The following MYT1L variants were observed in gnomAD, a reference collection of about 807,000 sequenced individuals.
MYT1L encodes the protein myelin transcription factor 1-like protein.
A neutral mutation model predicts 126.7 loss-of-function variants in MYT1L; 12 were observed. The observed-to-expected ratio is 0.09, with a 90% CI of 0.06 to 0.15. The LOEUF (loss-of-function observed/expected upper bound fraction) is 0.15, where lower values mean the gene tolerates loss of function less well. MYT1L is among the 10% of genes least tolerant of loss of function. MYT1L has a pLI of 1.00. For synonymous variants in MYT1L, 541 were observed against 604.2 expected, an observed-to-expected ratio of 0.90 and a Z score of 1.53; for missense variants, 979 against 1,585.2, an observed-to-expected ratio of 0.62 and a Z score of 6.49.
intron 21 of MYT1L, among the ~76,000 whole-genome samples, chr2:1,814,006 G>C (rs11674754): frequency 0.63 from 82,784 of 132,344 alleles, 26,304 homozygotes; most frequent in South Asian, 0.79. Flanking sequence ...CAGCCTGGGC[G>C]ACAGAGCGAG....
chr2:2,323,142 A>C (rs1193495378), intron 1 of MYT1L, among the ~76,000 whole-genome samples: 1 of 152,164 alleles, frequency 6.6e-6, no homozygotes, highest in Non-Finnish European at 1.5e-5. Flanking sequence ...ATGAAGGGTT[A>C]ATATGTTTTT....
chr2:1,974,172 T>C (rs1574129614), intron 8 of MYT1L, among the ~76,000 whole-genome samples: 1 of 152,134 alleles, frequency 6.6e-6, no homozygotes, highest in African/African-American at 2.4e-5. Flanking sequence ...AAACTAAATC[T>C]TGGGATACTC....
In MYT1L at chr2:1,902,368, C is replaced by T. The variant is rs558631392; in HGVS notation, c.2032+712G>A. 3.9e-5 allele frequency among the ~76,000 whole-genome samples: 6 copies of T among 152,342 alleles called. No individual in the cohort carries two copies. The South Asian group carries it at 1.2e-3, about 32-fold the overall frequency. On this transcript the variant is annotated intron_variant, in intron 14 of 24. Coordinates refer to ENST00000647738, the MANE Select transcript of MYT1L (RefSeq NM_001303052.2). Reference sequence around the variant, plus strand: ...TGCCACAAGCCAGCAGGGGACGAAGCTACGGCTCTGCCGGCAGCACCCCAG... The same window carrying T: ...TGCCACAAGCCAGCAGGGGACGAAGTTACGGCTCTGCCGGCAGCACCCCAG...
intron 2 of MYT1L, among the ~76,000 whole-genome samples, chr2:2,262,563 G>A (rs1305194082): frequency 6.6e-6 from 1 of 151,302 alleles, no homozygotes; most frequent in Non-Finnish European, 1.5e-5. Context: ...CATGGTGGCG[G>A]GCACCTGTGG....
intron 3 of MYT1L, among the ~76,000 whole-genome samples, chr2:2,105,524 T>C (rs2150521879): frequency 6.6e-6 from 1 of 152,364 alleles, no homozygotes; most frequent in South Asian, 2.1e-4. Flanking sequence ...AACAACTGCT[T>C]TCTCTCCATG....
chr2:1,885,892 T>C (rs2048114069), intron 18 of MYT1L, among the ~76,000 whole-genome samples: 1 of 152,170 alleles, frequency 6.6e-6, no homozygotes, highest in Non-Finnish European at 1.5e-5. Flanking sequence ...GAGATGTCTA[T>C]GTGAAGGAGG....
chr2:1,907,361 C>T (rs1232124651), intron 13 of MYT1L, among the ~76,000 whole-genome samples: 1 of 152,116 alleles, frequency 6.6e-6, no homozygotes, highest in Admixed American at 6.5e-5. Context: ...GGAAAAGAAA[C>T]TCAGCATCCA....
intron 22 of MYT1L, among the ~76,000 whole-genome samples, chr2:1,802,114 G>A (rs1260954818): frequency 6.6e-6 from 1 of 152,052 alleles, no homozygotes; most frequent in Non-Finnish European, 1.5e-5. Context: ...AAACCACCTG[G>A]TCCTGAGTGC....
intron 19 of MYT1L, among the ~76,000 whole-genome samples, chr2:1,846,492 G>C (rs771801030): frequency 1.3e-5 from 2 of 152,134 alleles, no homozygotes; most frequent in Non-Finnish European, 2.9e-5. Flanking sequence ...GTGTTCTCTG[G>C]GGGAGGGAAA....
intron 3 of MYT1L, among the ~76,000 whole-genome samples, chr2:2,056,273 T>C (rs1008864536): frequency 2.6e-5 from 4 of 152,076 alleles, no homozygotes; most frequent in African/African-American, 9.7e-5. Context: ...TCCCTCAGGC[T>C]CTCCAGGCGT....
chr2:1,802,041 C>T, intron 22 of MYT1L: 1 of 395,492 alleles, frequency 2.5e-6, no homozygotes, highest in Admixed American at 4.4e-5. Flanking sequence ...AGAAGACTCC[C>T]AGGCACTTTG....
At chr2:2,260,657 A>ATTT (rs112698274) in intron 2 of MYT1L, among the ~76,000 whole-genome samples, 1 of 149,364 alleles carries the variant, frequency 6.7e-6, no homozygotes, top group African/African-American at 2.5e-5. Context: ...CTGGTGAATT[A>ATTT]TTTTTTTTTT....
At chr2:2,097,613 AT>A (rs1006459373) in intron 3 of MYT1L, among the ~76,000 whole-genome samples, 1 of 152,172 alleles carries the variant, frequency 6.6e-6, no homozygotes, top group Non-Finnish European at 1.5e-5. Context: ...CAAATAAGCG[AT>A]GGAGATGCGT....
At chr2:2,083,053 C>T (rs569865041) in intron 3 of MYT1L, among the ~76,000 whole-genome samples, 5 of 152,282 alleles carry the variant, frequency 3.3e-5, no homozygotes, top group Non-Finnish European at 5.9e-5. Flanking sequence ...ACCCAGAGAC[C>T]GGTGCACACA....
intron 3 of MYT1L, among the ~76,000 whole-genome samples, chr2:2,114,447 C>T (rs2079925802): frequency 6.6e-6 from 1 of 152,212 alleles, no homozygotes; most frequent in South Asian, 2.1e-4. Flanking sequence ...GCAACCTCCT[C>T]AGAGAGTCCC....
At chr2:2,195,617 C>T (rs970999883) in intron 2 of MYT1L, among the ~76,000 whole-genome samples, 2 of 152,118 alleles carry the variant, frequency 1.3e-5, no homozygotes, top group African/African-American at 4.8e-5. Flanking sequence ...GAAACAAATA[C>T]ATTGAGACTC....
At chr2:2,188,978 G>A (rs6709211) in intron 2 of MYT1L, among the ~76,000 whole-genome samples, 23,140 of 151,998 alleles carry the variant, frequency 0.15, 1,806 homozygotes, top group African/African-American at 0.19. Flanking sequence ...TTTACTCTGC[G>A]AGACTACAGG....
chr2:2,115,516 A>G (rs183467413), intron 3 of MYT1L, among the ~76,000 whole-genome samples: 42 of 152,370 alleles, frequency 2.8e-4, no homozygotes, highest in Admixed American at 2.2e-3. Context: ...AACATTAGAA[A>G]GCGAAGTGAC....
chr2:2,061,347 G>A (rs2070463810), intron 3 of MYT1L, among the ~76,000 whole-genome samples: 1 of 152,184 alleles, frequency 6.6e-6, no homozygotes. Flanking sequence ...GTGACTGCCA[G>A]AGCTGCTGGC....
Sources: allele counts gnomAD v4.1 joint callset (sites outside exome capture counted in the v4.1 genomes callset), GRCh38; gene constraint gnomAD v4.1.1; transcripts MANE v1.5; gene names NCBI Gene and HGNC (gene_info 2026-07-23, HGNC 2026-07-21).